Variants in MAGI2 observed in about 807,000 individuals in gnomAD.
MAGI2 encodes the protein membrane associated guanylate kinase, WW and PDZ domain containing 2.
Under a neutral mutation model 133.3 loss-of-function variants are expected in MAGI2, and 35 were observed. That is an observed-to-expected ratio of 0.26 (90% CI 0.20 to 0.35). The LOEUF is 0.35. Ranked by LOEUF, MAGI2 falls within the 10% of genes least tolerant of loss-of-function variation. MAGI2 has a pLI of 1.00. For missense variants in MAGI2, 1,636 were observed against 1,863.4 expected, an observed-to-expected ratio of 0.88 and a Z score of 2.25; for synonymous variants, 729 against 710.6, an observed-to-expected ratio of 1.03 and a Z score of -0.41.
chr7:78,944,406 A>G (rs1801237497), intron 2 of MAGI2, among the ~76,000 whole-genome samples: 1 of 152,102 alleles, frequency 6.6e-6, no homozygotes, highest in African/African-American at 2.4e-5. Context: ...ACATAAGCTC[A>G]CAGAAGGCAG....
At chr7:78,300,588 T>C (rs1319590769) in intron 9 of MAGI2, among the ~76,000 whole-genome samples, 1 of 152,172 alleles carries the variant, frequency 6.6e-6, no homozygotes, top group Non-Finnish European at 1.5e-5. Flanking sequence ...TCAATACCGA[T>C]TAAAGGCACT....
chr7:78,342,402 A>G (rs9718861), intron 9 of MAGI2, among the ~76,000 whole-genome samples: 48,589 of 152,054 alleles, frequency 0.32, 8,325 homozygotes, highest in East Asian at 0.6. Flanking sequence ...ACAGTGTGGC[A>G]ATTCCTCAAG....
chr7:78,740,820 C>A (rs1396477955), intron 2 of MAGI2, among the ~76,000 whole-genome samples: 1 of 152,000 alleles, frequency 6.6e-6, no homozygotes, highest in Admixed American at 6.5e-5. Context: ...AAGAAAGCAC[C>A]CCCATGCTAA....
At chr7:79,108,252 G>A (rs1480069656) in intron 1 of MAGI2, among the ~76,000 whole-genome samples, 2 of 152,134 alleles carry the variant, frequency 1.3e-5, no homozygotes, top group Admixed American at 6.6e-5. Flanking sequence ...GTCCTATCAA[G>A]CTCACAAAGG....
intron 21 of MAGI2, among the ~76,000 whole-genome samples, chr7:78,037,248 C>A (rs1291099452): frequency 2.0e-5 from 3 of 152,098 alleles, no homozygotes; most frequent in Admixed American, 2.0e-4. Context: ...TGGTGGAGGG[C>A]CTATGATGTC....
chr7:79,121,473 C>T (rs1819891197), intron 1 of MAGI2, among the ~76,000 whole-genome samples: 1 of 151,938 alleles, frequency 6.6e-6, no homozygotes, highest in African/African-American at 2.4e-5. Context: ...TCCATCATTT[C>T]CTTAGGCGCT....
At chr7:78,538,569 G>T (rs1798153065) in intron 3 of MAGI2, among the ~76,000 whole-genome samples, 1 of 151,978 alleles carries the variant, frequency 6.6e-6, no homozygotes, top group African/African-American at 2.4e-5. Flanking sequence ...TTCCTAAGTT[G>T]CTATTATTAT....
chr7:79,356,468 A>G (rs531811313), intron 1 of MAGI2, among the ~76,000 whole-genome samples: 12 of 152,300 alleles, frequency 7.9e-5, no homozygotes, highest in African/African-American at 2.2e-4. Flanking sequence ...GTATTTAGAA[A>G]TGAAAAGCAA....
chr7:79,042,098 G>T (rs1255726784), intron 1 of MAGI2, among the ~76,000 whole-genome samples: 1 of 152,046 alleles, frequency 6.6e-6, no homozygotes, highest in East Asian at 1.9e-4. Context: ...ATACATATCT[G>T]ACAAAGGACT....
chr7:79,286,135 G>C (rs1835980216), intron 1 of MAGI2, among the ~76,000 whole-genome samples: 1 of 152,076 alleles, frequency 6.6e-6, no homozygotes, highest in African/African-American at 2.4e-5. Context: ...CTTAATCTAA[G>C]ATCCCAGGAG....
At chr7:78,977,883 T>C (rs1804433924) in intron 2 of MAGI2, among the ~76,000 whole-genome samples, 1 of 151,710 alleles carries the variant, frequency 6.6e-6, no homozygotes, top group African/African-American at 2.4e-5. Flanking sequence ...GCAAAACACC[T>C]AAACAGATAC....
intron 1 of MAGI2, among the ~76,000 whole-genome samples, chr7:79,188,818 T>C (rs950361095): frequency 6.6e-6 from 1 of 151,906 alleles, no homozygotes; most frequent in Non-Finnish European, 1.5e-5. Flanking sequence ...GTCACAGATA[T>C]TCTACTGTCC....
At chr7:78,083,416 G>GAGAGAGAGAGAGAGAC (rs1583821322) in intron 20 of MAGI2, among the ~76,000 whole-genome samples, 1 of 142,720 alleles carries the variant, frequency 7.0e-6, no homozygotes, top group East Asian at 2.0e-4. Context: ...GAGAGAGAGA[G>GAGAGAGAGAGAGAGAC]AGAGAGAGAG....
At chr7:79,416,541 C>A (rs1846527334) in intron 1 of MAGI2, among the ~76,000 whole-genome samples, 2 of 151,816 alleles carry the variant, frequency 1.3e-5, no homozygotes, top group South Asian at 4.1e-4. Flanking sequence ...TATGTGAGTG[C>A]TGTGTACCGA....
At chr7:78,212,988 T>C (rs1164982543) in intron 10 of MAGI2, among the ~76,000 whole-genome samples, 2 of 152,222 alleles carry the variant, frequency 1.3e-5, no homozygotes, top group Non-Finnish European at 2.9e-5. Flanking sequence ...ACTTTTCTAT[T>C]GTCCTCTGAT....
intron 1 of MAGI2, chr7:79,411,401 AC>A (rs1406823628): frequency 6.6e-6 from 1 of 152,198 alleles, no homozygotes. Context: ...AGAGTCTGAA[AC>A]ATGGCAATGT....
At chr7:79,271,614 G>C (rs1834883141) in intron 1 of MAGI2, among the ~76,000 whole-genome samples, 1 of 150,694 alleles carries the variant, frequency 6.6e-6, no homozygotes, top group Non-Finnish European at 1.5e-5. Context: ...CCTATGCTAG[G>C]GATAATAAGG....
intron 10 of MAGI2, among the ~76,000 whole-genome samples, chr7:78,243,257 ACACACACACACACTCTCTCTCT>A (rs1398684584): frequency 8.2e-3 from 357 of 43,318 alleles, no homozygotes; most frequent in African/African-American, 0.02. Context: ...ACACACACAC[ACACACACACACACTCTCTCTCT>A]CTCTCTCTTA....
chr7:79,387,094 TTG>T lies in MAGI2; in HGVS notation c.301+65924_301+65925del, dbSNP rs3050633. Among the ~76,000 whole-genome samples the T allele has an allele frequency of 4.6e-3, 654 of 141,324 alleles. 4 individuals carry two copies. Among genetic ancestry groups the T allele is most frequent in the Middle Eastern group, 0.011 (3 of 278 alleles). The allele number at this position is 141,324 out of a possible 152,430, so 92.7% of individuals were successfully genotyped here. A position where few individuals can be genotyped will look rare whatever the true frequency, so the allele number is the denominator to read the frequency against. Reference sequence around the variant, plus strand: ...AGAGATGGCTCACAAATTTTTATGCTTGTGTGTGTGTGTGTGTGTGTGTGTGT... The same window carrying T: ...AGAGATGGCTCACAAATTTTTATGCTTGTGTGTGTGTGTGTGTGTGTGTGT... On this transcript the variant is annotated intron_variant, in intron 1 of 21. Coordinates refer to ENST00000354212, the MANE Select transcript of MAGI2 (RefSeq NM_012301.4).
Sources: gnomAD v4.1 joint callset for allele counts (sites outside exome capture counted in the v4.1 genomes callset) on GRCh38, gnomAD v4.1.1 for gene constraint, MANE v1.5 for transcripts, NCBI Gene and HGNC (gene_info 2026-07-23, HGNC 2026-07-21) for gene names.